PPP1R9A: variants seen among roughly 807,000 people sequenced by gnomAD.
The protein encoded by PPP1R9A is neurabin-1.
In PPP1R9A, 59 loss-of-function variants were observed where a neutral mutation model predicts 141.9. The observed-to-expected ratio is 0.42, with a 90% CI of 0.34 to 0.52. The LOEUF is 0.52. PPP1R9A is among the 20% of genes least tolerant of loss of function. The pLI, the probability that PPP1R9A is intolerant of heterozygous loss-of-function variation, is 0.10. For synonymous variants in PPP1R9A, 500 were observed against 569.7 expected, an observed-to-expected ratio of 0.88 and a Z score of 1.74; for missense variants, 1,444 against 1,611.9, an observed-to-expected ratio of 0.90 and a Z score of 1.78.
intron 7 of PPP1R9A, among the ~76,000 whole-genome samples, chr7:95,208,956 T>TAAAAAA (rs10670515): frequency 5.2e-5 from 4 of 76,918 alleles, no homozygotes; most frequent in African/African-American, 1.6e-4. Context: ...ATAGCAAAAC[T>TAAAAAA]AAAAAAAAAA....
chr7:95,027,766 G>A (rs1807091462), intron 2 of PPP1R9A, among the ~76,000 whole-genome samples: 2 of 152,150 alleles, frequency 1.3e-5, no homozygotes, highest in African/African-American at 4.8e-5. Flanking sequence ...GTTGGCAGTT[G>A]TATCACGATG....
At chr7:95,040,017 G>A (rs1028534729) in intron 2 of PPP1R9A, among the ~76,000 whole-genome samples, 1 of 152,126 alleles carries the variant, frequency 6.6e-6, no homozygotes, top group South Asian at 2.1e-4. Context: ...AGACGGAGAA[G>A]ATCTTGAAAT....
chr7:95,266,718 A>G (rs1037494791), intron 12 of PPP1R9A, among the ~76,000 whole-genome samples: 1 of 152,152 alleles, frequency 6.6e-6, no homozygotes, highest in African/African-American at 2.4e-5. Flanking sequence ...ATACAATCCA[A>G]ATATGAGCTA....
chr7:95,163,459 T>C (rs1830721837), intron 5 of PPP1R9A, among the ~76,000 whole-genome samples: 1 of 152,192 alleles, frequency 6.6e-6, no homozygotes. Context: ...CTAGTACAGG[T>C]TGAGTATCCC....
Position 94,910,541 on chromosome 7 carries a change from G to A in PPP1R9A, c.428G>A (p.Arg143Gln), listed in dbSNP as rs1417192736. The A allele has an allele frequency of 6.8e-6, 11 of 1,614,104 alleles. No homozygotes were observed. The highest frequency in any genetic ancestry group is 1.6e-4 in the Middle Eastern group (1 of 6,062). ...GPSYSKFTET[R>Q]KMFERSVHES... is the part of the protein sequence containing the mutation. The stretch of plus-strand genomic sequence containing the variant: ...TCATATTCCAAGTTCACTGAGACTC[G>A]AAAGATGTTTGAGAGAAGTGTGCAT... The change falls in exon 2 of 20, where the codon CGA becomes CAA. Residue 143 changes from arginine (R) to glutamine (Q), a missense_variant. Arg to Gln is a conservative substitution (Grantham distance 43). Around this residue, in one of 5 missense-constraint regions of PPP1R9A, gnomAD observed 490 missense variants for 521.1 expected, o/e 0.94. Transcript: ENST00000433360. The surrounding 1 kb of genome is among the most constrained non-coding windows in gnomAD (Gnocchi z 4.5).
At chr7:95,000,546 T>G (rs1355057737) in intron 2 of PPP1R9A, among the ~76,000 whole-genome samples, 1 of 152,172 alleles carries the variant, frequency 6.6e-6, no homozygotes, top group Non-Finnish European at 1.5e-5. Flanking sequence ...TTTCCTTTAT[T>G]TTTTTCCTTT....
chr7:95,258,185 C>A (rs552070749), intron 12 of PPP1R9A, among the ~76,000 whole-genome samples: 31 of 152,196 alleles, frequency 2.0e-4, no homozygotes, highest in Non-Finnish European at 3.5e-4. Flanking sequence ...CCTGTTGTTT[C>A]CTGACTTTTT....
chr7:94,948,842 TC>T (rs1316912553), intron 2 of PPP1R9A, among the ~76,000 whole-genome samples: 16 of 152,090 alleles, frequency 1.1e-4, no homozygotes, highest in Admixed American at 4.6e-4. Flanking sequence ...ACAATGTATT[TC>T]CCAAGAGAGA....
intron 5 of PPP1R9A, among the ~76,000 whole-genome samples, chr7:95,189,647 G>A (rs1285206483): frequency 3.3e-5 from 5 of 151,236 alleles, no homozygotes; most frequent in Admixed American, 2.6e-4. Context: ...CATTTTAGCC[G>A]GGATGGTCTC....
At chr7:95,054,445 A>G (rs989513929) in intron 2 of PPP1R9A, among the ~76,000 whole-genome samples, 11 of 151,986 alleles carry the variant, frequency 7.2e-5, no homozygotes, top group Non-Finnish European at 5.9e-5. Context: ...ATTTAATTCT[A>G]TATCATTACC....
chr7:95,146,394 T>A (rs537350004), intron 4 of PPP1R9A, among the ~76,000 whole-genome samples: 81 of 152,318 alleles, frequency 5.3e-4, no homozygotes, highest in Non-Finnish European at 9.1e-4. Flanking sequence ...TTCTGGATAT[T>A]AGCCCTTTGT....
intron 4 of PPP1R9A, among the ~76,000 whole-genome samples, chr7:95,135,854 C>CTTTTTTTTTT (rs58872136): frequency 2.6e-4 from 19 of 73,080 alleles, no homozygotes; most frequent in African/African-American, 9.1e-4. Context: ...TTCAGCTTTA[C>CTTTTTTTTTT]TTTTTTTTTT....
intron 2 of PPP1R9A, among the ~76,000 whole-genome samples, chr7:95,006,378 C>T (rs1003682646): frequency 5.3e-5 from 8 of 151,834 alleles, no homozygotes; most frequent in Admixed American, 2.0e-4. Context: ...TCACCAGACC[C>T]GGCTAATTTT....
At chr7:95,190,252 T>TG (rs913622620) in intron 5 of PPP1R9A, among the ~76,000 whole-genome samples, 2 of 152,188 alleles carry the variant, frequency 1.3e-5, no homozygotes, top group African/African-American at 4.8e-5. Flanking sequence ...TCCCTAGGGA[T>TG]GGGACTTCCT....
intron 8 of PPP1R9A, among the ~76,000 whole-genome samples, chr7:95,240,451 T>TA (rs1797285446): frequency 6.6e-6 from 1 of 151,932 alleles, no homozygotes; most frequent in Admixed American, 6.6e-5. Context: ...CAGTATCTAT[T>TA]ACGTTTTTTT....
chr7:95,118,199 T>G (rs143560222), intron 3 of PPP1R9A, among the ~76,000 whole-genome samples: 8 of 152,142 alleles, frequency 5.3e-5, no homozygotes, highest in African/African-American at 1.7e-4. Context: ...CAAATCTCTG[T>G]GTACGAAGAT....
At chr7:95,080,687 C>G (rs1055912780) in intron 2 of PPP1R9A, among the ~76,000 whole-genome samples, 4 of 152,188 alleles carry the variant, frequency 2.6e-5, no homozygotes, top group African/African-American at 7.2e-5. Flanking sequence ...TGACTTCAAA[C>G]TATACTTCTA....
intron 14 of PPP1R9A, among the ~76,000 whole-genome samples, chr7:95,269,819 T>C (rs1225473322): frequency 6.6e-6 from 1 of 152,104 alleles, no homozygotes; most frequent in Non-Finnish European, 1.5e-5. Context: ...AAAAAAACAC[T>C]ACATAGTCAT....
chr7:95,235,833 T>C (rs1480129335), intron 8 of PPP1R9A, among the ~76,000 whole-genome samples: 1 of 152,198 alleles, frequency 6.6e-6, no homozygotes, highest in Non-Finnish European at 1.5e-5. Context: ...AAAGAAATAA[T>C]GGCATTCACA....
Sources: allele counts gnomAD v4.1 joint callset (sites outside exome capture counted in the v4.1 genomes callset), GRCh38; gene constraint gnomAD v4.1.1; regional missense constraint gnomAD v4.1.1; non-coding constraint Gnocchi (gnomAD v3.1); transcripts MANE v1.5; gene names NCBI Gene and HGNC (gene_info 2026-07-23, HGNC 2026-07-21).